GABRG3: variants seen among roughly 807,000 people sequenced by gnomAD.
The protein encoded by GABRG3 is gamma-aminobutyric acid receptor subunit gamma-3.
In GABRG3, 25 loss-of-function variants were observed where a neutral mutation model predicts 48.8. The observed-to-expected ratio is 0.51, with a 90% confidence interval of 0.37 to 0.72. The LOEUF is 0.72. Ranked by LOEUF, GABRG3 falls within the 30% of genes least tolerant of loss-of-function variation. The probability of loss-of-function intolerance (pLI) is 0.00; values close to 1 mark genes in which losing one functional copy is unlikely to be tolerated. For synonymous variants in GABRG3, 227 were observed against 217.6 expected (o/e 1.04, Z -0.38); for missense variants, 394 against 577.9 (o/e 0.68, Z 3.26).
intron 5 of GABRG3, among the ~76,000 whole-genome samples, chr15:27,410,858 G>A (rs1479122316): frequency 2.8e-4 from 42 of 151,104 alleles, no homozygotes; most frequent in East Asian, 1.6e-3. Flanking sequence ...GTGTGTGTGT[G>A]TGTGTGTGTG....
At chr15:27,312,045 A>G (rs1893014460) in intron 3 of GABRG3, among the ~76,000 whole-genome samples, 1 of 152,190 alleles carries the variant, frequency 6.6e-6, no homozygotes, top group Non-Finnish European at 1.5e-5. Flanking sequence ...AATAACTATT[A>G]TAAAGATGCT....
chr15:27,299,037 AC>A (rs1290465741), intron 3 of GABRG3, among the ~76,000 whole-genome samples: 4 of 152,182 alleles, frequency 2.6e-5, no homozygotes, highest in Admixed American at 2.6e-4. Context: ...TAATCCCCGC[AC>A]TTTGAGAGGC....
intron 3 of GABRG3, among the ~76,000 whole-genome samples, chr15:27,094,803 A>T (rs924013779): frequency 2.0e-5 from 3 of 152,230 alleles, no homozygotes; most frequent in African/African-American, 7.2e-5. Context: ...TTATTGTTAA[A>T]ATTTAAAAAT....
chr15:27,496,394 A>G (rs1595792498), intron 6 of GABRG3, among the ~76,000 whole-genome samples: 1 of 152,252 alleles, frequency 6.6e-6, no homozygotes. Context: ...TGAGGCTGCC[A>G]CTTTCTTGTG....
At chr15:27,417,157 G>A (rs1247113789) in intron 5 of GABRG3, among the ~76,000 whole-genome samples, 1 of 152,088 alleles carries the variant, frequency 6.6e-6, no homozygotes, top group Non-Finnish European at 1.5e-5. Flanking sequence ...GTAGAGCCTA[G>A]GCATGTTGCT....
intron 2 of GABRG3, among the ~76,000 whole-genome samples, chr15:27,003,201 A>ATATTTATTTATTTATT (rs199745733): frequency 2.4e-4 from 33 of 139,206 alleles, no homozygotes; most frequent in Admixed American, 3.6e-4. Flanking sequence ...TTTTTATTTT[A>ATATTTATTTATTTATT]TATTTATTTA....
intron 3 of GABRG3, among the ~76,000 whole-genome samples, chr15:27,240,349 A>C (rs2140453269): frequency 6.6e-6 from 1 of 152,308 alleles, no homozygotes; most frequent in South Asian, 2.1e-4. Flanking sequence ...CTGGAGGCTA[A>C]GAAGACCAGT....
chr15:27,224,335 G>A (rs553674985), intron 3 of GABRG3, among the ~76,000 whole-genome samples: 4 of 152,170 alleles, frequency 2.6e-5, no homozygotes, highest in African/African-American at 9.7e-5. Context: ...TTCTTAGAAG[G>A]CCTGAAATGC....
rs1421578740 is a variant in GABRG3 at position 27,540,161 on chromosome 15, G to T, written c.*7280G>T. On this transcript the variant is annotated 3_prime_UTR_variant, in exon 10 of 10. Coordinates refer to ENST00000615808, the MANE Select transcript of GABRG3 (RefSeq NM_033223.5). ...ATTTTGCTCGCCTAAAACATTTCCA[G>T]AACTGCTGTGTTCCCCAGCAGTCCT... is the stretch of plus-strand genomic sequence containing the variant. 1 of 152,160 alleles carries T rather than the reference G, an allele frequency of 6.6e-6. No individual in the cohort carries two copies. Among genetic ancestry groups the T allele is most frequent in the Non-Finnish European group, 1.5e-5 (1 of 68,030 alleles). 9.4% of individuals were successfully genotyped at this position (152,160 alleles called of 1,614,324 possible).
At chr15:27,376,493 C>A (rs531593427) in intron 5 of GABRG3, among the ~76,000 whole-genome samples, 3 of 152,334 alleles carry the variant, frequency 2.0e-5, no homozygotes, top group Non-Finnish European at 2.9e-5. Flanking sequence ...GCGTGGGCAT[C>A]CAGGTGTTTC....
intron 3 of GABRG3, among the ~76,000 whole-genome samples, chr15:27,282,428 T>C (rs958149852): frequency 2.0e-5 from 3 of 152,204 alleles, no homozygotes; most frequent in Admixed American, 6.5e-5. Context: ...TCGTTAACAT[T>C]GGGTAATTTC....
At chr15:27,317,150 C>T (rs1401427515) in intron 3 of GABRG3, among the ~76,000 whole-genome samples, 1 of 152,142 alleles carries the variant, frequency 6.6e-6, no homozygotes, top group African/African-American at 2.4e-5. Context: ...ACCCTGTTCC[C>T]TTCAGTCCAT....
chr15:27,239,946 C>T (rs1304229379), intron 3 of GABRG3, among the ~76,000 whole-genome samples: 1 of 152,136 alleles, frequency 6.6e-6, no homozygotes, highest in Non-Finnish European at 1.5e-5. Context: ...TGATAAATTA[C>T]CATATCCTTA....
At chr15:27,500,402 C>A (rs1404777295) in intron 6 of GABRG3, among the ~76,000 whole-genome samples, 1 of 151,312 alleles carries the variant, frequency 6.6e-6, no homozygotes. Flanking sequence ...CTGTCAGCTA[C>A]GTTTCCCACC....
At chr15:27,417,751 C>T (rs980468987) in intron 5 of GABRG3, among the ~76,000 whole-genome samples, 2 of 152,188 alleles carry the variant, frequency 1.3e-5, no homozygotes, top group African/African-American at 4.8e-5. Flanking sequence ...CCCTTCTTCT[C>T]GTGCGAGGAC....
intron 5 of GABRG3, among the ~76,000 whole-genome samples, chr15:27,374,546 G>T (rs1895528838): frequency 6.6e-6 from 1 of 152,056 alleles, no homozygotes; most frequent in South Asian, 2.1e-4. Context: ...ATACACCCTG[G>T]TTGTATATTG....
chr15:27,450,352 G>C (rs1299128092), intron 5 of GABRG3, among the ~76,000 whole-genome samples: 2 of 152,130 alleles, frequency 1.3e-5, no homozygotes, highest in South Asian at 2.1e-4. Context: ...GCACCTTAAA[G>C]AGATCGTACA....
intron 3 of GABRG3, among the ~76,000 whole-genome samples, chr15:27,177,293 A>G (rs1211627331): frequency 2.6e-5 from 4 of 152,216 alleles, no homozygotes; most frequent in African/African-American, 9.6e-5. Context: ...TCTCAAAACC[A>G]GTCTTAGGTT....
At chr15:27,095,962 A>T (rs1897260415) in intron 3 of GABRG3, among the ~76,000 whole-genome samples, 1 of 152,098 alleles carries the variant, frequency 6.6e-6, no homozygotes, top group East Asian at 1.9e-4. Flanking sequence ...TTCCATTTCC[A>T]GCGGTTCAGC....
Sources: allele counts gnomAD v4.1 joint callset (sites outside exome capture counted in the v4.1 genomes callset), GRCh38; gene constraint gnomAD v4.1.1; transcripts MANE v1.5; gene names NCBI Gene and HGNC (gene_info 2026-07-23, HGNC 2026-07-21).